Variants in MAGI1 observed in about 807,000 individuals in gnomAD.
The protein encoded by MAGI1 is membrane associated guanylate kinase, WW and PDZ domain containing 1.
A neutral mutation model predicts 139.9 loss-of-function variants in MAGI1; 58 were observed. The ratio of observed to expected loss-of-function variants is 0.41; its 90% CI spans 0.34 to 0.52. MAGI1 has a LOEUF of 0.52. Among genes scored for constraint, MAGI1 ranks in the 20% least tolerant of loss-of-function variants. MAGI1 has a pLI of 0.12. For synonymous variants in MAGI1, 812 were observed against 737.9 expected (o/e 1.10, Z -1.63); for missense variants, 1,874 against 1,901.6 (o/e 0.99, Z 0.27).
At chr3:65,914,413 T>C (rs1273061780) in intron 1 of MAGI1, among the ~76,000 whole-genome samples, 1 of 152,148 alleles carries the variant, frequency 6.6e-6, no homozygotes, top group African/African-American at 2.4e-5. Context: ...TCAAATGCCA[T>C]CAGGGGCCAT....
intron 3 of MAGI1, among the ~76,000 whole-genome samples, chr3:65,483,788 G>A (rs1575954725): frequency 6.6e-6 from 1 of 152,142 alleles, no homozygotes; most frequent in African/African-American, 2.4e-5. Context: ...GACTTAAGAG[G>A]AAGCCACTGC....
At chr3:65,713,458 AAG>A (rs1165027600) in intron 1 of MAGI1, among the ~76,000 whole-genome samples, 1 of 152,302 alleles carries the variant, frequency 6.6e-6, no homozygotes. Flanking sequence ...AAAAAAAAGA[AAG>A]AAACTCTTTT....
chr3:65,429,510 CCCTA>C lies in MAGI1; in HGVS notation c.2167+6_2167+9del. ...AAAAAAAATTCAAAGAACAAAACAACCCTACTTACCTCCTCGTTGCACCAACAAT... is the reference window on the plus strand; with the variant it reads ...AAAAAAAATTCAAAGAACAAAACAACCTTACCTCCTCGTTGCACCAACAAT... On this transcript the variant is annotated splice_donor_region_variant and intron_variant, in intron 12 of 22. Transcript: ENST00000402939. 1 of 1,588,232 alleles carries C rather than the reference CCCTA, an allele frequency of 6.3e-7. No individual in the cohort carries two copies.
chr3:65,459,560 A>T (rs1292147161), intron 5 of MAGI1, among the ~76,000 whole-genome samples: 1 of 152,212 alleles, frequency 6.6e-6, no homozygotes, highest in African/African-American at 2.4e-5. Context: ...ATCTGCAAAC[A>T]GGAGTAGTTT....
intron 3 of MAGI1, among the ~76,000 whole-genome samples, chr3:65,479,219 A>C (rs1352984250): frequency 6.6e-6 from 1 of 152,230 alleles, no homozygotes; most frequent in Non-Finnish European, 1.5e-5. Flanking sequence ...AGTTGAGGTC[A>C]CTTTCCCTTA....
intron 1 of MAGI1, among the ~76,000 whole-genome samples, chr3:65,639,663 T>C (rs1248754244): frequency 6.6e-6 from 1 of 152,118 alleles, no homozygotes; most frequent in African/African-American, 2.4e-5. Context: ...TCCAATCAGT[T>C]GAAGGACTGA....
chr3:65,446,817 C>G (rs181024512), intron 7 of MAGI1, among the ~76,000 whole-genome samples: 3 of 152,230 alleles, frequency 2.0e-5, no homozygotes, highest in Non-Finnish European at 4.4e-5. Flanking sequence ...ACCACAAAGA[C>G]AACTTATTAA....
chr3:65,504,040 A>G (rs972001673), intron 2 of MAGI1, among the ~76,000 whole-genome samples: 1 of 152,330 alleles, frequency 6.6e-6, no homozygotes, highest in African/African-American at 2.4e-5. Context: ...AAAAGAGAGT[A>G]TATGTTTGTC....
At chr3:65,938,775 C>T (rs2063176779) in intron 1 of MAGI1, among the ~76,000 whole-genome samples, 1 of 152,148 alleles carries the variant, frequency 6.6e-6, no homozygotes, top group Non-Finnish European at 1.5e-5. Flanking sequence ...ACTCATTAAA[C>T]ATTTCCTGCA....
chr3:65,676,993 G>A (rs1035708820), intron 1 of MAGI1, among the ~76,000 whole-genome samples: 1 of 152,054 alleles, frequency 6.6e-6, no homozygotes, highest in Non-Finnish European at 1.5e-5. Flanking sequence ...AATGACTCCC[G>A]TGCTCTTGGT....
intron 1 of MAGI1, among the ~76,000 whole-genome samples, chr3:66,019,750 C>G (rs9859245): frequency 0.37 from 55,822 of 151,980 alleles, 11,211 homozygotes; most frequent in East Asian, 0.51. Flanking sequence ...TCCACTCTTA[C>G]CTCATCCATA....
At chr3:65,413,001 C>T (rs918431064) in intron 12 of MAGI1, among the ~76,000 whole-genome samples, 4 of 152,150 alleles carry the variant, frequency 2.6e-5, no homozygotes, top group African/African-American at 7.2e-5. Context: ...TCCTTACTTA[C>T]TAAAGCAAAC....
At chr3:65,663,986 A>C (rs1210709962) in intron 1 of MAGI1, among the ~76,000 whole-genome samples, 1 of 152,188 alleles carries the variant, frequency 6.6e-6, no homozygotes, top group Non-Finnish European at 1.5e-5. Flanking sequence ...TAGGGCTTTA[A>C]CCCAAAAATG....
chr3:65,470,518 AGAG>A (rs768370808), intron 4 of MAGI1, 34 bp from the exon 5 acceptor site: 6 of 1,360,898 alleles, frequency 4.4e-6, no homozygotes, highest in Admixed American at 4.4e-5. Flanking sequence ...AGAGAGAGAG[AGAG>A]AGAAAAAAAA....
chr3:65,957,643 T>A (rs1302251543), intron 1 of MAGI1, among the ~76,000 whole-genome samples: 1 of 151,604 alleles, frequency 6.6e-6, no homozygotes, highest in Non-Finnish European at 1.5e-5. Context: ...ACTGAGTGAA[T>A]CTATCTGTAC....
At chr3:65,684,183 A>G (rs947310295) in intron 1 of MAGI1, among the ~76,000 whole-genome samples, 19 of 149,876 alleles carry the variant, frequency 1.3e-4, no homozygotes, top group South Asian at 2.1e-4. Flanking sequence ...AAAAAAAAAA[A>G]AAAGAAAAGA....
rs775542045 is a variant in MAGI1, at chr3:65,429,556, T to C, written c.2131A>G (p.Lys711Glu). ...ACCAACAATGTGACCTCACTTCCCT[T>C]AGGACACTCAACCAGCATATCCACC... ...QVVDMLVECP[K>E]GSEVTLLVQR... The change falls in exon 12 of 23, where the codon AAG (lysine) becomes GAG (glutamate). Residue 711 changes from lysine (K) to glutamate (E), a missense_variant. Lys to Glu is a moderately conservative substitution (Grantham distance 56). Around this residue, in one of 5 missense-constraint regions of MAGI1, gnomAD observed 482 missense variants for 509.6 expected, o/e 0.95. Coordinates refer to ENST00000402939, the MANE Select transcript of MAGI1 (RefSeq NM_001033057.2). 5.6e-6 allele frequency: 9 copies of C among 1,613,672 alleles called. No homozygotes were observed. Among genetic ancestry groups the C allele is most frequent in the African/African-American group, 5.3e-5 (4 of 74,870 alleles).
intron 1 of MAGI1, among the ~76,000 whole-genome samples, chr3:65,662,449 T>C (rs2086253327): frequency 6.6e-6 from 1 of 152,244 alleles, no homozygotes; most frequent in Non-Finnish European, 1.5e-5. Context: ...ATGGACAATA[T>C]GCAACCAAAT....
chr3:65,792,029 T>C (rs957444545), intron 1 of MAGI1, among the ~76,000 whole-genome samples: 8 of 151,832 alleles, frequency 5.3e-5, no homozygotes, highest in Non-Finnish European at 1.5e-5. Flanking sequence ...GTATTTTTTT[T>C]CTATACATAC....
Sources: allele counts gnomAD v4.1 joint callset (sites outside exome capture counted in the v4.1 genomes callset), GRCh38; gene constraint gnomAD v4.1.1; regional missense constraint gnomAD v4.1.1; transcripts MANE v1.5; gene names NCBI Gene and HGNC (gene_info 2026-07-23, HGNC 2026-07-21).